Variants in FGD4 observed in about 807,000 individuals in gnomAD.
The protein encoded by FGD4 is FYVE, RhoGEF and PH domain-containing protein 4.
Under a neutral mutation model 102.0 loss-of-function variants are expected in FGD4, and 42 were observed. The observed-to-expected ratio is 0.41, with a 90% CI of 0.32 to 0.53. The LOEUF is 0.53. FGD4 is among the 20% of genes least tolerant of loss of function. The probability of loss-of-function intolerance (pLI) is 0.21; values close to 1 mark genes in which losing one functional copy is unlikely to be tolerated. For synonymous variants in FGD4, 380 were observed against 375.7 expected (o/e 1.01, Z -0.13); for missense variants, 902 against 1,078.2 (o/e 0.84, Z 2.29).
chr12:32,499,275 A>C (rs1938017990), intron 1 of FGD4, among the ~76,000 whole-genome samples: 2 of 152,186 alleles, frequency 1.3e-5, no homozygotes, highest in African/African-American at 4.8e-5. Flanking sequence ...GGGATTGTTG[A>C]CTGTTGGTCA....
chr12:32,470,011 C>CT (rs939338788), intron 1 of FGD4, among the ~76,000 whole-genome samples: 14 of 152,112 alleles, frequency 9.2e-5, no homozygotes, highest in Admixed American at 5.2e-4. Flanking sequence ...TATTTAAAAA[C>CT]TTTTTTTTCC....
intron 1 of FGD4, among the ~76,000 whole-genome samples, chr12:32,400,711 A>G (rs1342673475): frequency 6.6e-6 from 1 of 152,182 alleles, no homozygotes; most frequent in East Asian, 1.9e-4. Flanking sequence ...AAACTTCTTT[A>G]AAATCCCCTC....
Position 32,576,353 on chromosome 12 carries a change from C to T in FGD4, c.407C>T (p.Pro136Leu), listed in dbSNP as rs374604191. ...PRHKALPSAK[P>L]RMEEIKPASA... ...CATAAAGCTTTACCTAGTGCAAAAC[C>T]AAGGATGGAGGAAATTAAACCTGCC... Residue 136 changes from proline to leucine, a missense_variant, in exon 3 of 17, where the codon CCA becomes CTA. Coordinates refer to ENST00000534526, the MANE Select transcript of FGD4 (RefSeq NM_001370298.3). 1.2e-5 allele frequency: 20 copies of T among 1,613,984 alleles called. No homozygotes were observed. Among genetic ancestry groups the T allele is most frequent in the South Asian group, 1.2e-4 (11 of 91,050 alleles).
At chr12:32,589,030 C>T (rs1947266807) in intron 4 of FGD4, among the ~76,000 whole-genome samples, 1 of 152,168 alleles carries the variant, frequency 6.6e-6, no homozygotes, top group South Asian at 2.1e-4. Context: ...AGCTCTGTGA[C>T]CTTGAGCAGA....
intron 3 of FGD4, among the ~76,000 whole-genome samples, chr12:32,578,645 T>C (rs892925980): frequency 2.0e-5 from 3 of 152,008 alleles, no homozygotes; most frequent in Non-Finnish European, 4.4e-5. Context: ...GCCTGGGTAA[T>C]GTGGCAGAAC....
At chr12:32,617,511 AG>A (rs1347547823) in intron 10 of FGD4, among the ~76,000 whole-genome samples, 2 of 152,254 alleles carry the variant, frequency 1.3e-5, no homozygotes, top group Non-Finnish European at 2.9e-5. Flanking sequence ...GTAGAGATCA[AG>A]AAAGACCCTC....
chr12:32,553,133 T>G (rs4931635), intron 1 of FGD4, among the ~76,000 whole-genome samples: 54,095 of 151,698 alleles, frequency 0.36, 12,051 homozygotes, highest in African/African-American at 0.63. Context: ...GGGACACATG[T>G]CCTCTAACAA....
At chr12:32,526,551 G>C (rs1415931150) in intron 1 of FGD4, among the ~76,000 whole-genome samples, 1 of 152,142 alleles carries the variant, frequency 6.6e-6, no homozygotes, top group Non-Finnish European at 1.5e-5. Flanking sequence ...CAGGCCACTC[G>C]GTCCTACCAA....
chr12:32,600,338 T>G, intron 5 of FGD4: 2 of 596,224 alleles, frequency 3.4e-6, no homozygotes, highest in Middle Eastern at 5.1e-4. Flanking sequence ...AATTCTAGAG[T>G]CCTAATTACT....
chr12:32,432,801 A>G (rs1942099017), intron 1 of FGD4, among the ~76,000 whole-genome samples: 2 of 152,110 alleles, frequency 1.3e-5, no homozygotes, highest in East Asian at 1.9e-4. Flanking sequence ...CAACACCTAG[A>G]AGAGTTCCTG....
At chr12:32,561,941 G>A (rs532560043) in intron 1 of FGD4, among the ~76,000 whole-genome samples, 69 of 152,270 alleles carry the variant, frequency 4.5e-4, no homozygotes, top group African/African-American at 1.6e-3. Context: ...ATGGGTCACC[G>A]TTAGCGTATG....
intron 1 of FGD4, among the ~76,000 whole-genome samples, chr12:32,492,782 TA>T (rs1259856175): frequency 1.3e-5 from 2 of 152,216 alleles, no homozygotes; most frequent in African/African-American, 4.8e-5. Flanking sequence ...TTATTTCTCT[TA>T]TTTTTTTTTG....
intron 1 of FGD4, among the ~76,000 whole-genome samples, chr12:32,561,334 G>A (rs376521923): frequency 6.6e-5 from 10 of 152,032 alleles, no homozygotes; most frequent in East Asian, 3.9e-4. Context: ...TGATCCACCC[G>A]CCTTGGCCTC....
At chr12:32,500,222 T>TA (rs201283681) in intron 1 of FGD4, among the ~76,000 whole-genome samples, 1,856 of 152,100 alleles carry the variant, frequency 0.012, 105 homozygotes, top group Admixed American at 0.1. Context: ...GCTCTATACC[T>TA]AAAAAATGAA....
Position 32,641,307 on chromosome 12 carries a change from A to G in FGD4, c.*774A>G, listed in dbSNP as rs1280110507. 6.6e-6 allele frequency: 1 copy of G among 152,136 alleles called. No homozygotes were observed. The highest frequency in any genetic ancestry group is 2.4e-5 in the African/African-American group (1 of 41,442). The allele number at this position is 152,136 out of a possible 1,614,324, so 9.4% of individuals were successfully genotyped here. A position where few individuals can be genotyped will look rare whatever the true frequency, so the allele number is the denominator to read the frequency against. ...GTTTTGCTGATTGGCATTTGAGGGT[A>G]TTGATATTTTTATAATAAGCGGTAA... is the stretch of plus-strand genomic sequence containing the variant. On this transcript the variant is annotated 3_prime_UTR_variant, in exon 17 of 17. Coordinates refer to ENST00000534526, the MANE Select transcript of FGD4 (RefSeq NM_001370298.3).
chr12:32,599,053 G>A (rs551792560), intron 5 of FGD4, among the ~76,000 whole-genome samples: 2 of 152,316 alleles, frequency 1.3e-5, no homozygotes, highest in East Asian at 1.9e-4. Context: ...GACCTTGTAT[G>A]AAACATTTAA....
At chr12:32,435,268 A>G (rs1185266622) in intron 1 of FGD4, among the ~76,000 whole-genome samples, 4 of 152,162 alleles carry the variant, frequency 2.6e-5, no homozygotes, top group Admixed American at 1.3e-4. Flanking sequence ...TTAAAGTGAA[A>G]TGAAACTAGT....
chr12:32,540,061 G>C (rs959661893), intron 1 of FGD4, among the ~76,000 whole-genome samples: 1 of 151,956 alleles, frequency 6.6e-6, no homozygotes, highest in Non-Finnish European at 1.5e-5. Flanking sequence ...AGGAAAAAAG[G>C]TATTTCTGGT....
At chr12:32,441,836 T>C (rs1432136083) in intron 1 of FGD4, among the ~76,000 whole-genome samples, 1 of 152,130 alleles carries the variant, frequency 6.6e-6, no homozygotes, top group Non-Finnish European at 1.5e-5. Flanking sequence ...GATTCCCCTC[T>C]GGCTAGGGCT....
Sources: gnomAD v4.1 joint callset for allele counts (sites outside exome capture counted in the v4.1 genomes callset) on GRCh38, gnomAD v4.1.1 for gene constraint, MANE v1.5 for transcripts, NCBI Gene and HGNC (gene_info 2026-07-23, HGNC 2026-07-21) for gene names.